Variants in ADAMTSL1 observed in about 807,000 individuals in gnomAD.
ADAMTSL1 encodes ADAMTS like 1.
A neutral mutation model predicts 201.8 loss-of-function variants in ADAMTSL1; 126 were observed. The ratio of observed to expected loss-of-function variants is 0.62; its 90% CI spans 0.54 to 0.72. The LOEUF (loss-of-function observed/expected upper bound fraction) is 0.72, where lower values mean the gene tolerates loss of function less well. Ranked by LOEUF, ADAMTSL1 falls within the 30% of genes least tolerant of loss-of-function variation. ADAMTSL1 has a pLI of 0.00. For synonymous variants in ADAMTSL1, 1,121 were observed against 903.4 expected (o/e 1.24, Z -4.32); for missense variants, 2,679 against 2,277.8 (o/e 1.18, Z -3.59).
chr9:18,826,227 C>T, intron 21 of ADAMTSL1, 57 bp from the exon 22 acceptor site: 1 of 1,550,200 alleles, frequency 6.5e-7, no homozygotes, highest in Non-Finnish European at 8.7e-7. Flanking sequence ...CCTCTGGGCT[C>T]ACCTGAATGT....
At chr9:18,717,313 T>C (rs932155843) in intron 14 of ADAMTSL1, among the ~76,000 whole-genome samples, 2 of 151,150 alleles carry the variant, frequency 1.3e-5, no homozygotes, top group Non-Finnish European at 3.0e-5. Context: ...ATTTGAAAAG[T>C]CTGCCCATTT....
At chr9:18,478,458 G>GA (rs1821569807) in intron 1 of ADAMTSL1, among the ~76,000 whole-genome samples, 1 of 151,644 alleles carries the variant, frequency 6.6e-6, no homozygotes, top group Non-Finnish European at 1.5e-5. Flanking sequence ...TAAATGAAGA[G>GA]AAAAAATGAC....
intron 2 of ADAMTSL1, among the ~76,000 whole-genome samples, chr9:18,277,004 C>T (rs554607079): frequency 9.2e-5 from 14 of 152,058 alleles, no homozygotes; most frequent in East Asian, 1.9e-4. Context: ...CTTCTTTGAC[C>T]GATTGGCTAT....
intron 1 of ADAMTSL1, among the ~76,000 whole-genome samples, chr9:17,921,750 A>G (rs536262416): frequency 4.6e-5 from 7 of 152,164 alleles, no homozygotes; most frequent in Non-Finnish European, 1.0e-4. Flanking sequence ...CCCTTTCTGC[A>G]AGTACAAATG....
At chr9:18,051,388 G>T (rs1821933339) in intron 1 of ADAMTSL1, among the ~76,000 whole-genome samples, 1 of 152,124 alleles carries the variant, frequency 6.6e-6, no homozygotes, top group African/African-American at 2.4e-5. Context: ...AGACTGTGTG[G>T]GAAGGAGTCT....
At chr9:18,042,661 T>C (rs1436851494) in intron 1 of ADAMTSL1, among the ~76,000 whole-genome samples, 1 of 152,176 alleles carries the variant, frequency 6.6e-6, no homozygotes, top group Admixed American at 6.6e-5. Context: ...GTTACAGCCC[T>C]TATTTGGTGT....
At chr9:18,869,399 A>C (rs1827747707) in intron 23 of ADAMTSL1, among the ~76,000 whole-genome samples, 1 of 152,350 alleles carries the variant, frequency 6.6e-6, no homozygotes, top group South Asian at 2.1e-4. Flanking sequence ...GAGCTCACCT[A>C]GTCTGTTTCC....
chr9:18,515,355 G>A (rs934091394), intron 2 of ADAMTSL1, among the ~76,000 whole-genome samples: 2 of 152,132 alleles, frequency 1.3e-5, no homozygotes, highest in Admixed American at 6.5e-5. Context: ...TGTTTTTTGA[G>A]ACAAGGTCTG....
At chr9:18,235,005 G>A (rs57647847) in intron 2 of ADAMTSL1, among the ~76,000 whole-genome samples, 2,232 of 152,232 alleles carry the variant, frequency 0.015, 25 homozygotes, top group African/African-American at 0.037. Flanking sequence ...CAATACTGTG[G>A]TACATTTGTC....
intron 1 of ADAMTSL1, among the ~76,000 whole-genome samples, chr9:18,087,126 T>A (rs1823801813): frequency 6.6e-6 from 1 of 152,210 alleles, no homozygotes; most frequent in African/African-American, 2.4e-5. Flanking sequence ...TAACTTTATT[T>A]TTGTGCTTTC....
At chr9:18,288,550 C>G (rs560438415) in intron 2 of ADAMTSL1, among the ~76,000 whole-genome samples, 3 of 152,168 alleles carry the variant, frequency 2.0e-5, no homozygotes, top group South Asian at 4.2e-4. Context: ...TTGAGATTCT[C>G]TAAGTTCCCT....
chr9:18,850,597 C>G (rs1056425157), intron 23 of ADAMTSL1, among the ~76,000 whole-genome samples: 2 of 152,202 alleles, frequency 1.3e-5, no homozygotes, highest in African/African-American at 4.8e-5. Context: ...AAAGCTGTTT[C>G]CAAATCCTCA....
intron 2 of ADAMTSL1, among the ~76,000 whole-genome samples, chr9:18,368,533 G>A (rs1836890897): frequency 6.6e-6 from 1 of 152,194 alleles, no homozygotes; most frequent in Non-Finnish European, 1.5e-5. Context: ...TTGACTCAAA[G>A]AGGGCAAGTG....
chr9:18,563,834 G>A (rs909302363), intron 3 of ADAMTSL1, among the ~76,000 whole-genome samples: 1 of 152,190 alleles, frequency 6.6e-6, no homozygotes, highest in African/African-American at 2.4e-5. Context: ...GCCTACTCAA[G>A]CCTTGGTAAT....
At chr9:18,068,110 A>G (rs1372846487) in intron 1 of ADAMTSL1, among the ~76,000 whole-genome samples, 1 of 152,028 alleles carries the variant, frequency 6.6e-6, no homozygotes, top group African/African-American at 2.4e-5. Flanking sequence ...GATGGGGTGT[A>G]TTGGCCAAAA....
chr9:18,430,323 G>A (rs1009524936), intron 2 of ADAMTSL1, among the ~76,000 whole-genome samples: 6 of 152,228 alleles, frequency 3.9e-5, no homozygotes, highest in African/African-American at 1.4e-4. Flanking sequence ...GACCCACAAT[G>A]GCTTCCCAAA....
chr9:18,004,040 T>C (rs930253285), intron 1 of ADAMTSL1, among the ~76,000 whole-genome samples: 2 of 152,060 alleles, frequency 1.3e-5, no homozygotes, highest in African/African-American at 4.8e-5. Flanking sequence ...AATATTTCTT[T>C]TGATGATTAT....
intron 23 of ADAMTSL1, among the ~76,000 whole-genome samples, chr9:18,876,886 T>C (rs1183909512): frequency 6.6e-6 from 1 of 152,236 alleles, no homozygotes; most frequent in Non-Finnish European, 1.5e-5. Context: ...GGAACATCAA[T>C]TATTCTTAGG....
chr9:18,706,977 T>G lies in ADAMTSL1; in HGVS notation c.1805T>G (p.Leu602Arg). ...GAGACAGATGGGCTCTTTGGTGGCC[T>G]GCAGGATTTCGACGAGCTGTATGAC... is the stretch of plus-strand genomic sequence containing the variant. ...PDETDGLFGG[L>R]QDFDELYDWE... The change falls in exon 14 of 29, where the codon CTG becomes CGG. Residue 602 changes from leucine (L) to arginine (R), a missense_variant. Coordinates refer to ENST00000380548, the MANE Select transcript of ADAMTSL1 (RefSeq NM_001040272.6). The G allele has an allele frequency of 6.2e-7, 1 of 1,613,970 alleles. No individual in the cohort carries two copies. The highest frequency in any genetic ancestry group is 8.5e-7 in the Non-Finnish European group (1 of 1,179,886).
Sources: allele counts gnomAD v4.1 joint callset (sites outside exome capture counted in the v4.1 genomes callset), GRCh38; gene constraint gnomAD v4.1.1; transcripts MANE v1.5; gene names NCBI Gene and HGNC (gene_info 2026-07-23, HGNC 2026-07-21).